USP46: variants seen among roughly 807,000 people sequenced by gnomAD.
USP46 encodes ubiquitin specific peptidase 46.
A neutral mutation model predicts 44.4 loss-of-function variants in USP46; 12 were observed. The observed-to-expected ratio is 0.27, with a 90% CI of 0.17 to 0.44. USP46 has a LOEUF of 0.44. USP46 is among the 20% of genes least tolerant of loss of function. The pLI, the probability that USP46 is intolerant of heterozygous loss-of-function variation, is 1.00. For synonymous variants in USP46, 155 were observed against 161.5 expected (o/e 0.96, Z 0.31); for missense variants, 248 against 444.8 (o/e 0.56, Z 3.98).
chr4:52,618,663 T>C (rs1717257479), intron 4 of USP46, among the ~76,000 whole-genome samples: 1 of 152,244 alleles, frequency 6.6e-6, no homozygotes, highest in Admixed American at 6.5e-5. Flanking sequence ...TGTTCTGCAC[T>C]GTTCAATCAT....
At position 52,651,504 on chromosome 4, in the gene USP46, T is replaced by C. The variant is rs1347226034; in HGVS notation, c.36+7611A>G. On this transcript the variant is annotated intron_variant, in intron 1 of 8. Coordinates refer to ENST00000441222, the MANE Select transcript of USP46 (RefSeq NM_022832.4). ...TAATGAGGTAATACTCATCATACTCTGAAAATTAAAATGAAGTGTAGAGAA... is the reference window on the plus strand; with the variant it reads ...TAATGAGGTAATACTCATCATACTCCGAAAATTAAAATGAAGTGTAGAGAA... Among the ~76,000 whole-genome samples the C allele has an allele frequency of 2.0e-5, 3 of 152,286 alleles. No individual in the cohort carries two copies. In the East Asian group the frequency reaches 5.8e-4, roughly 29 times the overall value.
chr4:52,611,196 C>T (rs1436158839), intron 4 of USP46, among the ~76,000 whole-genome samples: 1 of 152,264 alleles, frequency 6.6e-6, no homozygotes, highest in African/African-American at 2.4e-5. Context: ...GAGCCCTGTG[C>T]TGTCCATGAC....
At chr4:52,627,881 G>A in intron 3 of USP46, 69 bp downstream of exon 3, 1 of 1,467,824 alleles carries the variant, frequency 6.8e-7, no homozygotes. Context: ...TCTTCCTTTT[G>A]AGGAGATACA....
chr4:52,608,120 T>G (rs910075344), intron 5 of USP46, among the ~76,000 whole-genome samples: 5 of 152,122 alleles, frequency 3.3e-5, no homozygotes, highest in Non-Finnish European at 5.9e-5. Flanking sequence ...AAACACACTT[T>G]GGGAACAAAT....
At chr4:52,613,761 A>T (rs1421330095) in intron 4 of USP46, among the ~76,000 whole-genome samples, 1 of 151,942 alleles carries the variant, frequency 6.6e-6, no homozygotes, top group African/African-American at 2.4e-5. Context: ...AACTAACAGA[A>T]TCCAGAGTCT....
intron 1 of USP46, among the ~76,000 whole-genome samples, chr4:52,640,845 A>G (rs1474622842): frequency 6.6e-6 from 1 of 152,010 alleles, no homozygotes; most frequent in African/African-American, 2.4e-5. Flanking sequence ...TTAAAAATAT[A>G]ATGAAAGTTT....
Position 52,647,473 on chromosome 4 carries a change from G to T in USP46, c.36+11642C>A, listed in dbSNP as rs184002814. Among the ~76,000 whole-genome samples, 5 of 152,260 alleles carry T rather than the reference G, an allele frequency of 3.3e-5. No homozygotes were observed. In the East Asian group the frequency reaches 9.6e-4, roughly 29 times the overall value. On this transcript the variant is annotated intron_variant, in intron 1 of 8. Transcript: ENST00000441222. ...CTTAAAAATTTAGAAAAGAAACTGCGCTTAGCTACTTCATGTATTTCTCAG... is the reference window on the plus strand; with the variant it reads ...CTTAAAAATTTAGAAAAGAAACTGCTCTTAGCTACTTCATGTATTTCTCAG...
chr4:52,633,022 GAA>G (rs1198477977), intron 1 of USP46, among the ~76,000 whole-genome samples: 16 of 146,312 alleles, frequency 1.1e-4, no homozygotes, highest in African/African-American at 3.9e-4. Flanking sequence ...AAGAAAGAAA[GAA>G]AGAAAAAGAA....
chr4:52,611,065 C>G (rs569242731), intron 4 of USP46, among the ~76,000 whole-genome samples: 1 of 152,370 alleles, frequency 6.6e-6, no homozygotes, highest in African/African-American at 2.4e-5. Context: ...CACTCCCTTT[C>G]TCCCTTGCCC....
At position 52,632,988 on chromosome 4, in the gene USP46, AGAAAAG is replaced by A. The variant is rs1560406200; in HGVS notation, c.37-1850_37-1845del. On this transcript the variant is annotated intron_variant, in intron 1 of 8. Transcript: ENST00000441222. The stretch of plus-strand genomic sequence containing the variant: ...AGAAAGAAAGAAAGAAAGAAAGAAA[AGAAAAG>A]AAAGAAAGAAAGAAAGAAAGAAAGA... Among the ~76,000 whole-genome samples the A allele has an allele frequency of 1.6e-3, 50 of 31,390 alleles. 1 individual carries two copies. The South Asian group carries it at 0.018, about 12-fold the overall frequency. The allele number at this position is 31,390 out of a possible 152,430, so 20.6% of individuals were successfully genotyped here. A position where few individuals can be genotyped will look rare whatever the true frequency, so the allele number is the denominator to read the frequency against.
chr4:52,598,509 A>C (rs1324838477), intron 8 of USP46, 119 bp downstream of exon 8: 1 of 1,113,858 alleles, frequency 9.0e-7, no homozygotes, highest in Non-Finnish European at 1.3e-6. Context: ...TACAAATTTA[A>C]GTTGTTTTCA....
At chr4:52,651,730 T>C (rs1337841560) in intron 1 of USP46, among the ~76,000 whole-genome samples, 1 of 152,210 alleles carries the variant, frequency 6.6e-6, no homozygotes, top group Admixed American at 6.5e-5. Flanking sequence ...CCAGCTTTGC[T>C]GCTGTTCTCA....
Position 52,644,556 on chromosome 4 carries a change from C to A in USP46, c.37-13412G>T, listed in dbSNP as rs570595860. Among the ~76,000 whole-genome samples the A allele has an allele frequency of 8.6e-5, 13 of 152,018 alleles. No homozygotes were observed. In the South Asian group the frequency reaches 1.3e-3, roughly 15 times the overall value. On this transcript the variant is annotated intron_variant, in intron 1 of 8. Transcript: ENST00000441222. ...GGAGAGTGAACTCTATTGTGAACTG[C>A]GCATCAGAGGGATCTAGGTTGCATA...
chr4:52,654,318 ATAACAG>A (rs1199388483), intron 1 of USP46, among the ~76,000 whole-genome samples: 1 of 152,234 alleles, frequency 6.6e-6, no homozygotes, highest in African/African-American at 2.4e-5. Context: ...GAAAGCATGA[ATAACAG>A]TAACAGAGGA....
At chr4:52,632,919 A>AGAAG (rs1717902927) in intron 1 of USP46, among the ~76,000 whole-genome samples, 1 of 9,092 alleles carries the variant, frequency 1.1e-4, no homozygotes, top group South Asian at 0.013. Flanking sequence ...AGAAAGAAAG[A>AGAAG]GAAAGAAAGA....
chr4:52,628,451 T>C (rs1430089568), intron 2 of USP46: 1 of 286,984 alleles, frequency 3.5e-6, no homozygotes, highest in African/African-American at 2.1e-5. Context: ...TAACGAGACC[T>C]GCTGGTGCTT....
At chr4:52,649,389 T>C (rs1414295215) in intron 1 of USP46, among the ~76,000 whole-genome samples, 1 of 152,238 alleles carries the variant, frequency 6.6e-6, no homozygotes, top group Non-Finnish European at 1.5e-5. Context: ...ACTACCTTTG[T>C]TGTAAAAAGA....
intron 4 of USP46, among the ~76,000 whole-genome samples, chr4:52,621,522 G>A (rs1342879305): frequency 1.3e-5 from 2 of 152,092 alleles, no homozygotes; most frequent in Non-Finnish European, 2.9e-5. Flanking sequence ...CGGGCGTGGT[G>A]GTGCACACCT....
intron 1 of USP46, among the ~76,000 whole-genome samples, chr4:52,648,710 C>T (rs1192642804): frequency 6.6e-6 from 1 of 152,096 alleles, no homozygotes; most frequent in African/African-American, 2.4e-5. Context: ...TTTGTATTTG[C>T]CTTCTCTCCA....
Sources: allele counts gnomAD v4.1 joint callset (sites outside exome capture counted in the v4.1 genomes callset), GRCh38; gene constraint gnomAD v4.1.1; transcripts MANE v1.5; gene names NCBI Gene and HGNC (gene_info 2026-07-23, HGNC 2026-07-21).